Variants in ABCA13 observed in about 807,000 individuals in gnomAD.
ABCA13 encodes the protein ATP-binding cassette sub-family A member 13.
Under a neutral mutation model 478.7 loss-of-function variants are expected in ABCA13, and 476 were observed. The ratio of observed to expected loss-of-function variants is 0.99; its 90% CI spans 0.92 to 1.07. ABCA13 has a LOEUF of 1.07. Among genes scored for constraint, ABCA13 ranks in the 50% least tolerant of loss-of-function variants. The pLI is 0.00. For synonymous variants in ABCA13, 2,252 were observed against 2,158.9 expected (o/e 1.04, Z -1.20); for missense variants, 6,060 against 5,910.6 (o/e 1.03, Z -0.83).
intron 10 of ABCA13, among the ~76,000 whole-genome samples, chr7:48,241,368 T>G (rs1328879385): frequency 6.6e-6 from 1 of 152,220 alleles, no homozygotes; most frequent in Admixed American, 6.5e-5. Flanking sequence ...AATGAATAAA[T>G]TCATTTCGGA....
chr7:48,613,042 A>C (rs1792181012), intron 58 of ABCA13, among the ~76,000 whole-genome samples: 1 of 152,104 alleles, frequency 6.6e-6, no homozygotes, highest in African/African-American at 2.4e-5. Context: ...CATGTTTATT[A>C]CCCACGAGCA....
intron 58 of ABCA13, among the ~76,000 whole-genome samples, chr7:48,605,014 T>C (rs1791323900): frequency 6.6e-6 from 1 of 152,230 alleles, no homozygotes; most frequent in Non-Finnish European, 1.5e-5. Flanking sequence ...TCTTTGTTGG[T>C]TTAAAGTCTG....
intron 31 of ABCA13, among the ~76,000 whole-genome samples, chr7:48,360,395 A>G (rs117926767): frequency 0.018 from 2,694 of 152,096 alleles, 41 homozygotes; most frequent in Middle Eastern, 0.027. Flanking sequence ...GGTATAATTT[A>G]TAGATAGTTC....
chr7:48,637,424 G>GA (rs1794760494), intron 59 of ABCA13, among the ~76,000 whole-genome samples: 1 of 81,654 alleles, frequency 1.2e-5, no homozygotes, highest in Non-Finnish European at 2.5e-5. Context: ...AGAAAGAAAA[G>GA]AAAATCAGAA....
In ABCA13 at chr7:48,524,320, G is replaced by T. The variant is rs368670564; in HGVS notation, c.14124G>T (p.Val4708=). The change falls in exon 54 of 62, where the codon GTG becomes GTT. Residue 4708 remains valine, a synonymous_variant. Transcript: ENST00000435803. ...ATGTTGAAAAAGAGGAAAAGAGAGT[G>T]TTTGAAGGAAGGACCAATGGAGACA... ...DTDVEKEEKR[V]FEGRTNGDIL... 6.2e-7 allele frequency: 1 copy of T among 1,613,158 alleles called. No homozygotes were observed. The highest frequency in any genetic ancestry group is 8.5e-7 in the Non-Finnish European group (1 of 1,179,522).
At chr7:48,191,913 A>G (rs2128893786) in intron 1 of ABCA13, among the ~76,000 whole-genome samples, 1 of 152,340 alleles carries the variant, frequency 6.6e-6, no homozygotes, top group Admixed American at 6.5e-5. Flanking sequence ...AGTTCAAAGC[A>G]TTATAACTGG....
intron 10 of ABCA13, chr7:48,243,065 A>G (rs1791099356): frequency 6.6e-6 from 1 of 152,266 alleles, no homozygotes; most frequent in Non-Finnish European, 1.5e-5. Context: ...GCTCTAGCAG[A>G]TAGCGTGGAT....
intron 35 of ABCA13, among the ~76,000 whole-genome samples, chr7:48,383,294 G>A (rs919268161): frequency 2.6e-5 from 4 of 152,214 alleles, no homozygotes; most frequent in Admixed American, 2.6e-4. Flanking sequence ...GTACATGTGT[G>A]CATGTGCTGC....
chr7:48,345,235 C>T (rs1807886471), intron 29 of ABCA13, among the ~76,000 whole-genome samples: 2 of 152,116 alleles, frequency 1.3e-5, no homozygotes, highest in South Asian at 2.1e-4. Context: ...ACTTGATCAT[C>T]GTAATAAACT....
chr7:48,453,009 A>G (rs1825226456), intron 42 of ABCA13, among the ~76,000 whole-genome samples: 1 of 151,912 alleles, frequency 6.6e-6, no homozygotes, highest in South Asian at 2.1e-4. Context: ...GTGTATATAT[A>G]TAGATAGATA....
At chr7:48,286,394 C>A (rs1562969091) in intron 19 of ABCA13, among the ~76,000 whole-genome samples, 3 of 152,166 alleles carry the variant, frequency 2.0e-5, no homozygotes, top group Non-Finnish European at 4.4e-5. Context: ...TAGTTTTTGT[C>A]TTTTCCAGCA....
At chr7:48,370,434 A>G (rs1323731460) in intron 32 of ABCA13, among the ~76,000 whole-genome samples, 1 of 152,086 alleles carries the variant, frequency 6.6e-6, no homozygotes, top group Non-Finnish European at 1.5e-5. Context: ...ACTACATTGA[A>G]TAGTAGTGGT....
At chr7:48,635,041 C>A (rs1207511638) in intron 59 of ABCA13, among the ~76,000 whole-genome samples, 1 of 151,874 alleles carries the variant, frequency 6.6e-6, no homozygotes, top group East Asian at 1.9e-4. Context: ...TTGTTTTAAT[C>A]ACAAATTTGC....
At chr7:48,354,067 A>C (rs562749130) in intron 31 of ABCA13, among the ~76,000 whole-genome samples, 2 of 152,158 alleles carry the variant, frequency 1.3e-5, no homozygotes, top group South Asian at 2.1e-4. Context: ...ATGCACAGAC[A>C]CTTCATACCC....
chr7:48,229,772 C>A, intron 6 of ABCA13, 53 bp from the exon 7 acceptor site: 2 of 1,606,136 alleles, frequency 1.2e-6, no homozygotes, highest in Non-Finnish European at 8.5e-7. Flanking sequence ...ATTGATGCTA[C>A]TTGTTTTGCT....
intron 38 of ABCA13, among the ~76,000 whole-genome samples, chr7:48,401,183 A>C (rs1817550933): frequency 6.6e-6 from 1 of 152,250 alleles, no homozygotes; most frequent in Non-Finnish European, 1.5e-5. Flanking sequence ...TATGTGGATT[A>C]TAATAATTTA....
chr7:48,454,491 G>A (rs1483726376), intron 42 of ABCA13, among the ~76,000 whole-genome samples: 1 of 152,170 alleles, frequency 6.6e-6, no homozygotes, highest in Non-Finnish European at 1.5e-5. Context: ...CATTCGCTGC[G>A]TCCCCCAGAG....
intron 2 of ABCA13, among the ~76,000 whole-genome samples, chr7:48,197,730 A>G (rs1798127094): frequency 6.6e-6 from 1 of 151,864 alleles, no homozygotes; most frequent in Non-Finnish European, 1.5e-5. Context: ...TTTGTTCTGA[A>G]AAGTCCTATT....
intron 41 of ABCA13, among the ~76,000 whole-genome samples, chr7:48,417,130 G>A (rs7778327): frequency 0.12 from 18,668 of 152,038 alleles, 1,291 homozygotes; most frequent in African/African-American, 0.17. Context: ...CATTGAGACT[G>A]TACAAGTCCG....
Sources: allele counts gnomAD v4.1 joint callset (sites outside exome capture counted in the v4.1 genomes callset), GRCh38; gene constraint gnomAD v4.1.1; transcripts MANE v1.5; gene names NCBI Gene and HGNC (gene_info 2026-07-23, HGNC 2026-07-21).